UTP11: variants seen among roughly 807,000 people sequenced by gnomAD.
The protein encoded by UTP11 is UTP11 small subunit processome component.
Under a neutral mutation model 39.0 loss-of-function variants are expected in UTP11, and 29 were observed. That is an observed-to-expected ratio of 0.74 (90% CI 0.55 to 1.01). The LOEUF (loss-of-function observed/expected upper bound fraction) is 1.01. UTP11 is among the 50% of genes least tolerant of loss of function. UTP11 has a pLI of 0.00. For missense variants in UTP11, 281 were observed against 306.0 expected (o/e 0.92, Z 0.61); for synonymous variants, 111 against 105.0 (o/e 1.06, Z -0.35).
In UTP11 at chr1:38,022,814, G is replaced by A; in HGVS notation, c.678+5G>A. The A allele has an allele frequency of 1.9e-6, 3 of 1,604,036 alleles. No individual in the cohort carries two copies. Among genetic ancestry groups the A allele is most frequent in the Non-Finnish European group, 2.6e-6 (3 of 1,173,006 alleles). On this transcript the variant is annotated splice_donor_5th_base_variant and intron_variant, in intron 7 of 7. Transcript: ENST00000373014. ...CAAACACGCAAAGATCTTATGGTGA[G>A]GAGAGAGAGCCTTAGGCCTCTTTTT... is the stretch of plus-strand genomic sequence containing the variant.
chr1:38,021,855 T>G (rs1646739525), intron 6 of UTP11, among the ~76,000 whole-genome samples: 1 of 149,964 alleles, frequency 6.7e-6, no homozygotes. Context: ...ATAGTGCCAC[T>G]GCACTCCAGC....
chr1:38,015,780 CTA>C (rs555977602), intron 1 of UTP11, among the ~76,000 whole-genome samples: 106 of 152,288 alleles, frequency 7.0e-4, no homozygotes, highest in South Asian at 5.4e-3. Context: ...TGGAAAGCTG[CTA>C]TGTGTCAAGC....
chr1:38,019,223 C>T (rs763260486), intron 5 of UTP11, 30 bp from the exon 6 acceptor site: 2 of 1,613,870 alleles, frequency 1.2e-6, no homozygotes, highest in African/African-American at 2.7e-5. Context: ...TAGAAACCGA[C>T]AGTGCCTTAA....
intron 1 of UTP11, among the ~76,000 whole-genome samples, chr1:38,013,449 A>C (rs1447017725): frequency 6.6e-6 from 1 of 152,230 alleles, no homozygotes; most frequent in Non-Finnish European, 1.5e-5. Flanking sequence ...CACCAGATTC[A>C]GGCAGAGTAA....
At chr1:38,017,636 T>TTTGCTA in intron 2 of UTP11, 32 bp from the exon 3 acceptor site, 2 of 1,436,042 alleles carry the variant, frequency 1.4e-6, no homozygotes, top group Non-Finnish European at 1.9e-6. Context: ...TTTTTTTTTT[T>TTTGCTA]TGCTATGAAC....
At position 38,023,982 on chromosome 1, in the gene UTP11, C is replaced by T. The variant is rs1646751872; in HGVS notation, c.*354C>T. The stretch of plus-strand genomic sequence containing the variant: ...CCTCTTGAGTAGCTGGGACCACAGA[C>T]ATGTGCCACCATGTCTGAGTAATGT... On this transcript the variant is annotated 3_prime_UTR_variant, in exon 8 of 8. Transcript: ENST00000373014. 6.2e-6 allele frequency: 1 copy of T among 161,160 alleles called. No homozygotes were observed. 10.0% of individuals were successfully genotyped at this position (161,160 alleles called of 1,614,324 possible).
chr1:38,015,456 G>C (rs907441145), intron 1 of UTP11, among the ~76,000 whole-genome samples: 4 of 152,190 alleles, frequency 2.6e-5, no homozygotes, highest in African/African-American at 4.8e-5. Context: ...CTACTTATTA[G>C]TTCTGTGTTC....
At chr1:38,013,574 C>G (rs1025036386) in intron 1 of UTP11, among the ~76,000 whole-genome samples, 2 of 152,158 alleles carry the variant, frequency 1.3e-5, no homozygotes, top group African/African-American at 4.8e-5. Flanking sequence ...ATATCTGATT[C>G]AGAAAGGCCC....
At chr1:38,014,123 A>T (rs1017987981) in intron 1 of UTP11, among the ~76,000 whole-genome samples, 4 of 152,212 alleles carry the variant, frequency 2.6e-5, no homozygotes, top group African/African-American at 9.7e-5. Context: ...TGTTACCCTC[A>T]TTCCTCATTT....
At chr1:38,023,126 ATTGGTGT>A (rs1272445727) in intron 7 of UTP11, among the ~76,000 whole-genome samples, 2 of 152,224 alleles carry the variant, frequency 1.3e-5, no homozygotes, top group African/African-American at 4.8e-5. Context: ...CATGTCACTC[ATTGGTGT>A]TTAAAAATAG....
chr1:38,016,853 T>C (rs1296383751), intron 2 of UTP11: 1 of 169,772 alleles, frequency 5.9e-6, no homozygotes, highest in African/African-American at 2.4e-5. Flanking sequence ...GCGTGGGTGA[T>C]AATGAACTCT....
intron 7 of UTP11, among the ~76,000 whole-genome samples, chr1:38,023,127 T>C (rs536817729): frequency 3.3e-5 from 5 of 152,324 alleles, no homozygotes; most frequent in Non-Finnish European, 5.9e-5. Flanking sequence ...ATGTCACTCA[T>C]TGGTGTTTAA....
At position 38,023,691 on chromosome 1, in the gene UTP11, A is replaced by G; in HGVS notation, c.*63A>G. 1.4e-6 allele frequency: 2 copies of G among 1,437,604 alleles called. No individual in the cohort carries two copies. The highest frequency in any genetic ancestry group is 1.9e-6 in the Non-Finnish European group (2 of 1,044,826). 89.1% of individuals were successfully genotyped at this position (1,437,604 alleles called of 1,614,324 possible). A position where few individuals can be genotyped will look rare whatever the true frequency, so the allele number is the denominator to read the frequency against. On this transcript the variant is annotated 3_prime_UTR_variant, in exon 8 of 8. Coordinates refer to ENST00000373014, the MANE Select transcript of UTP11 (RefSeq NM_016037.4). Reference sequence around the variant, plus strand: ...TCTGTTGTCGTTTTCTAGTAACTTCAAATTCCATTACTCCAAATGGCATGG... The same window carrying G: ...TCTGTTGTCGTTTTCTAGTAACTTCGAATTCCATTACTCCAAATGGCATGG...
chr1:38,017,619 T>G (rs1180605870), intron 2 of UTP11, 49 bp from the exon 3 acceptor site: 1 of 1,373,708 alleles, frequency 7.3e-7, no homozygotes. Flanking sequence ...TTTTTAAAAT[T>G]ATCTATTTTT....
Position 38,017,676 on chromosome 1 carries a change from G to A in UTP11, c.134G>A (p.Arg45His), listed in dbSNP as rs778985326. 1.3e-5 allele frequency: 21 copies of A among 1,566,122 alleles called. No individual in the cohort carries two copies. The highest frequency in any genetic ancestry group is 8.1e-5 in the South Asian group (7 of 86,488). Residue 45 changes from arginine to histidine, a missense_variant, in exon 3 of 8, where the codon CGT (arginine) becomes CAT (histidine). Arg to His is a conservative substitution (Grantham distance 29). Transcript: ENST00000373014. Reference sequence around the variant, plus strand: ...TTTAACCTGTCTTTTAGTGACTACCGTAAAAAACAAGAATACCTCAAAGCT... The same window carrying A: ...TTTAACCTGTCTTTTAGTGACTACCATAAAAAACAAGAATACCTCAAAGCT... ...KDYKLRADDY[R>H]KKQEYLKALR...
intron 6 of UTP11, 93 bp from the exon 7 acceptor site, chr1:38,022,606 C>A: frequency 1.3e-6 from 1 of 788,058 alleles, no homozygotes; most frequent in South Asian, 1.6e-5. Flanking sequence ...GTTGATGAAA[C>A]TATGCAGTTG....
chr1:38,016,525 T>TTTATCAATGGCAG, intron 2 of UTP11, 105 bp downstream of exon 2: 1 of 1,226,622 alleles, frequency 8.2e-7, no homozygotes, highest in Non-Finnish European at 1.2e-6. Flanking sequence ...TTCCTGCCAT[T>TTTATCAATGGCAG]GATAAAATGG....
At position 38,017,640 on chromosome 1, in the gene UTP11, TATGAACCTCA is replaced by T; in HGVS notation, c.126-27_126-18del. The stretch of plus-strand genomic sequence containing the variant: ...AAATTATCTATTTTTTTTTTTTTGC[TATGAACCTCA>T]TTTAACCTGTCTTTTAGTGACTACC... On this transcript the variant is annotated intron_variant, in intron 2 of 7. Transcript: ENST00000373014. 1 of 1,301,996 alleles carries T rather than the reference TATGAACCTCA, an allele frequency of 7.7e-7. No individual in the cohort carries two copies. Among genetic ancestry groups the T allele is most frequent in the East Asian group, 2.7e-5 (1 of 37,106 alleles). 80.7% of individuals were successfully genotyped at this position (1,301,996 alleles called of 1,614,324 possible). A position where few individuals can be genotyped will look rare whatever the true frequency, so the allele number is the denominator to read the frequency against.
At chr1:38,013,541 C>G (rs1646689845) in intron 1 of UTP11, among the ~76,000 whole-genome samples, 1 of 152,052 alleles carries the variant, frequency 6.6e-6, no homozygotes, top group Non-Finnish European at 1.5e-5. Context: ...TCAGTTGATA[C>G]ACTGTCAGGA....
Sources: allele counts gnomAD v4.1 joint callset (sites outside exome capture counted in the v4.1 genomes callset), GRCh38; gene constraint gnomAD v4.1.1; transcripts MANE v1.5; gene names NCBI Gene and HGNC (gene_info 2026-07-23, HGNC 2026-07-21).